Variants in CSRNP3 observed in about 807,000 individuals in gnomAD.
The protein encoded by CSRNP3 is cysteine and serine rich nuclear protein 3.
A neutral mutation model predicts 48.0 loss-of-function variants in CSRNP3; 12 were observed. That is an observed-to-expected ratio of 0.25 (90% CI 0.16 to 0.41). CSRNP3 has a LOEUF of 0.41. CSRNP3 is among the 10% of genes least tolerant of loss of function. The pLI is 1.00. For synonymous variants in CSRNP3, 263 were observed against 269.7 expected, an observed-to-expected ratio of 0.98 and a Z score of 0.24; for missense variants, 580 against 724.4, an observed-to-expected ratio of 0.80 and a Z score of 2.29.
intron 4 of CSRNP3, among the ~76,000 whole-genome samples, chr2:165,598,625 G>A (rs1221218593): frequency 1.3e-5 from 2 of 152,066 alleles, no homozygotes; most frequent in African/African-American, 4.8e-5. Flanking sequence ...GTTCAGCCGA[G>A]ATTATTTTTT....
At chr2:165,629,991 G>A (rs189007005) in intron 4 of CSRNP3, among the ~76,000 whole-genome samples, 125 of 152,208 alleles carry the variant, frequency 8.2e-4, no homozygotes, top group African/African-American at 2.9e-3. Flanking sequence ...TAAAAGAAAG[G>A]TTGCAGCATT....
rs931932889 is a variant in CSRNP3, at chr2:165,688,998, C to G, written c.*9245C>G. The G allele has an allele frequency of 6.6e-6, 1 of 152,072 alleles. No homozygotes were observed. Among genetic ancestry groups the G allele is most frequent in the Non-Finnish European group, 1.5e-5 (1 of 68,000 alleles). The allele number at this position is 152,072 out of a possible 1,614,324, so 9.4% of individuals were successfully genotyped here. On this transcript the variant is annotated 3_prime_UTR_variant, in exon 7 of 7. Coordinates refer to ENST00000651982, the MANE Select transcript of CSRNP3 (RefSeq NM_001172173.2). Reference sequence around the variant, plus strand: ...GGAGGAAAATCAACTCCAGTCCACACATACAGTCATGTTACATTAAGATGT... The same window carrying G: ...GGAGGAAAATCAACTCCAGTCCACAGATACAGTCATGTTACATTAAGATGT...
chr2:165,521,978 C>T (rs1272878163), intron 3 of CSRNP3, among the ~76,000 whole-genome samples: 1 of 152,114 alleles, frequency 6.6e-6, no homozygotes, highest in Non-Finnish European at 1.5e-5. Context: ...GCACCTCCAG[C>T]ATCTTGTTCT....
chr2:165,653,972 CAAAAAAAAAAAAAAAAAAA>C (rs71028497), intron 4 of CSRNP3, among the ~76,000 whole-genome samples: 14 of 41,226 alleles, frequency 3.4e-4, no homozygotes, highest in East Asian at 2.9e-3. Context: ...AGCTCTATCA[CAAAAAAAAAAAAAAAAAAA>C]AAAAAAAAAA....
At chr2:165,568,087 C>A (rs1314358343) in intron 3 of CSRNP3, among the ~76,000 whole-genome samples, 2 of 151,980 alleles carry the variant, frequency 1.3e-5, no homozygotes, top group African/African-American at 4.8e-5. Flanking sequence ...AATATTTCAT[C>A]ATTCTTTCTG....
At chr2:165,517,511 T>G (rs1449528516) in intron 2 of CSRNP3, among the ~76,000 whole-genome samples, 1 of 151,968 alleles carries the variant, frequency 6.6e-6, no homozygotes, top group Non-Finnish European at 1.5e-5. Context: ...TTTTATGTGT[T>G]TTGAAGATAT....
intron 3 of CSRNP3, among the ~76,000 whole-genome samples, chr2:165,581,090 A>C (rs1685538534): frequency 6.6e-6 from 1 of 152,228 alleles, no homozygotes; most frequent in Non-Finnish European, 1.5e-5. Flanking sequence ...GTTTTTGATA[A>C]CTAAAACACC....
At chr2:165,522,233 G>A (rs1395036775) in intron 3 of CSRNP3, among the ~76,000 whole-genome samples, 1 of 151,980 alleles carries the variant, frequency 6.6e-6, no homozygotes, top group Non-Finnish European at 1.5e-5. Flanking sequence ...TGGAGGTTGT[G>A]GTGAGCTGAG....
At chr2:165,600,221 A>T (rs1356598786) in intron 4 of CSRNP3, among the ~76,000 whole-genome samples, 2 of 144,852 alleles carry the variant, frequency 1.4e-5, no homozygotes, top group Non-Finnish European at 3.0e-5. Context: ...ACTGAGAATG[A>T]TGATTTCCAA....
rs761212722 is a variant in CSRNP3, at chr2:165,679,172, T to C, written c.1177T>C (p.Phe393Leu). The change falls in exon 7 of 7, where the codon TTC (phenylalanine) becomes CTC (leucine). Residue 393 changes from phenylalanine to leucine, a missense_variant. By Grantham distance (22) the Phe-to-Leu change is conservative. Coordinates refer to ENST00000651982, the MANE Select transcript of CSRNP3 (RefSeq NM_001172173.2). ...EDDDDDKGDG[F>L]VEGLGTHAEV... ...TGACGATGATGACAAAGGAGATGGC[T>C]TCGTGGAAGGTTTGGGCACCCATGC... 20 of 1,613,726 alleles carry C rather than the reference T, an allele frequency of 1.2e-5. No homozygotes were observed. The highest frequency in any genetic ancestry group is 1.2e-5 in the Non-Finnish European group (14 of 1,179,964).
chr2:165,632,755 C>T (rs745388685), intron 4 of CSRNP3, among the ~76,000 whole-genome samples: 7 of 152,154 alleles, frequency 4.6e-5, no homozygotes, highest in Non-Finnish European at 7.4e-5. Context: ...CCATGATTCA[C>T]CCCATCTTTA....
intron 3 of CSRNP3, among the ~76,000 whole-genome samples, chr2:165,521,174 A>G (rs547210658): frequency 6.0e-5 from 6 of 100,138 alleles, no homozygotes; most frequent in African/African-American, 2.3e-4. Context: ...TGGGAAAGCC[A>G]AAAAAAAAAA....
At chr2:165,613,696 A>C (rs1686178838) in intron 4 of CSRNP3, among the ~76,000 whole-genome samples, 1 of 152,094 alleles carries the variant, frequency 6.6e-6, no homozygotes, top group African/African-American at 2.4e-5. Flanking sequence ...TCTGTTGAAA[A>C]CAGGTTGGCT....
chr2:165,642,027 G>A (rs185193224), intron 4 of CSRNP3, among the ~76,000 whole-genome samples: 1 of 151,506 alleles, frequency 6.6e-6, no homozygotes. Context: ...CATGAGAGTA[G>A]CACAGATAAA....
intron 3 of CSRNP3, among the ~76,000 whole-genome samples, chr2:165,521,164 T>C (rs17196365): frequency 0.17 from 24,754 of 147,474 alleles, 2,269 homozygotes; most frequent in Non-Finnish European, 0.19. Context: ...TTGTCTGTTA[T>C]GGGAAAGCCA....
rs771909907 is a variant in CSRNP3 at position 165,679,486 on chromosome 2, C to A, written c.1491C>A (p.Asn497Lys). 9.9e-6 allele frequency: 16 copies of A among 1,613,612 alleles called. No individual in the cohort carries two copies. The highest frequency in any genetic ancestry group is 1.4e-5 in the Non-Finnish European group (16 of 1,179,950). ...AYGASHYPAA[N>K]PSVIVCCSSS... ...GTGCCTCCCACTACCCAGCTGCCAACCCCTCTGTAATCGTTTGCTGCTCCT... is the reference window on the plus strand; with the variant it reads ...GTGCCTCCCACTACCCAGCTGCCAAACCCTCTGTAATCGTTTGCTGCTCCT... Residue 497 changes from asparagine (N) to lysine (K), a missense_variant, in exon 7 of 7, where the codon AAC becomes AAA. By Grantham distance (94) the Asn-to-Lys change is moderately conservative (BLOSUM62 0). This residue lies in a region of CSRNP3 where 369 missense variants were observed against 380.8 expected (regional missense o/e 0.97). Transcript: ENST00000651982.
intron 3 of CSRNP3, among the ~76,000 whole-genome samples, chr2:165,583,242 G>T (rs1685575596): frequency 6.6e-6 from 1 of 151,850 alleles, no homozygotes; most frequent in Non-Finnish European, 1.5e-5. Flanking sequence ...TTTTCTTTTA[G>T]AAAAATGCAT....
rs998977514 is a variant in CSRNP3 at position 165,563,936 on chromosome 2, C to G, written c.-23-31107C>G. ...GAAAATAAAATCTCCCCCGCTCCCCCCAGACAAGTAAACTAATTTATCATC... is the reference window on the plus strand; with the variant it reads ...GAAAATAAAATCTCCCCCGCTCCCCGCAGACAAGTAAACTAATTTATCATC... On this transcript the variant is annotated intron_variant, in intron 3 of 6. Coordinates refer to ENST00000651982, the MANE Select transcript of CSRNP3 (RefSeq NM_001172173.2). 2.6e-5 allele frequency among the ~76,000 whole-genome samples: 4 copies of G among 152,016 alleles called. No homozygotes were observed. The South Asian group carries it at 6.2e-4, about 24-fold the overall frequency.
At chr2:165,475,677 C>T (rs974104379) in intron 1 of CSRNP3, among the ~76,000 whole-genome samples, 1 of 152,122 alleles carries the variant, frequency 6.6e-6, no homozygotes, top group African/African-American at 2.4e-5. Context: ...GTCATCTAGC[C>T]TCCTCTTACA....
Sources: allele counts gnomAD v4.1 joint callset (sites outside exome capture counted in the v4.1 genomes callset), GRCh38; gene constraint gnomAD v4.1.1; regional missense constraint gnomAD v4.1.1; transcripts MANE v1.5; gene names NCBI Gene and HGNC (gene_info 2026-07-23, HGNC 2026-07-21).